The following NFIA variants were observed in gnomAD, a reference collection of about 807,000 sequenced individuals.
NFIA encodes the protein nuclear factor 1 A-type.
A neutral mutation model predicts 62.8 loss-of-function variants in NFIA; 8 were observed. That is an observed-to-expected ratio of 0.13 (90% CI 0.07 to 0.23). The LOEUF is 0.23. NFIA is among the 10% of genes least tolerant of loss of function. The probability of loss-of-function intolerance (pLI) is 1.00; values close to 1 mark genes in which losing one functional copy is unlikely to be tolerated. For synonymous variants in NFIA, 235 were observed against 238.1 expected (o/e 0.99, Z 0.12); for missense variants, 410 against 642.1 (o/e 0.64, Z 3.91).
chr1:61,119,887 T>A (rs1331960976), intron 2 of NFIA, among the ~76,000 whole-genome samples: 3 of 152,230 alleles, frequency 2.0e-5, no homozygotes, highest in Non-Finnish European at 2.9e-5. Context: ...CTGTATGCCC[T>A]GCTCATCTGT....
At chr1:61,441,920 C>T (rs193234088) in intron 10 of NFIA, among the ~76,000 whole-genome samples, 5 of 152,006 alleles carry the variant, frequency 3.3e-5, no homozygotes, top group Non-Finnish European at 5.9e-5. Flanking sequence ...CCCTTTCCCC[C>T]ACCCCCACCG....
At chr1:61,237,652 C>T (rs1031593232) in intron 2 of NFIA, among the ~76,000 whole-genome samples, 2 of 152,078 alleles carry the variant, frequency 1.3e-5, no homozygotes, top group Non-Finnish European at 2.9e-5. Context: ...TTTTTCCTCT[C>T]CCATCATTGT....
chr1:61,303,570 G>A (rs887958508), intron 3 of NFIA, among the ~76,000 whole-genome samples: 2 of 152,228 alleles, frequency 1.3e-5, no homozygotes, highest in Admixed American at 6.5e-5. Context: ...GAAGACTAGT[G>A]TGGATGGAAT....
In NFIA at chr1:61,396,942, C is replaced by T. The variant is rs570815148; in HGVS notation, c.1076-7162C>T. On this transcript the variant is annotated intron_variant, in intron 7 of 10. Transcript: ENST00000403491. ...GCTTGAACCCAGAAGGTGGAGGTTG[C>T]AGTGAGCCGAGATTGCGCCACTGCA... 4.6e-5 allele frequency among the ~76,000 whole-genome samples: 7 copies of T among 151,896 alleles called. No individual in the cohort carries two copies. The South Asian group carries it at 1.5e-3, about 32-fold the overall frequency.
intron 7 of NFIA, among the ~76,000 whole-genome samples, chr1:61,396,961 C>T (rs1569756933): frequency 6.6e-6 from 1 of 151,748 alleles, no homozygotes; most frequent in East Asian, 2.0e-4. Context: ...GAGATTGCGC[C>T]ACTGCACTCC....
chr1:61,161,586 AACAC>A (rs56383204), intron 2 of NFIA, among the ~76,000 whole-genome samples: 7,602 of 149,362 alleles, frequency 0.051, 348 homozygotes, highest in African/African-American at 0.12. Flanking sequence ...CGCCATGTGC[AACAC>A]ACACACACAC....
At chr1:61,145,342 T>C (rs1256444236) in intron 2 of NFIA, among the ~76,000 whole-genome samples, 1 of 152,202 alleles carries the variant, frequency 6.6e-6, no homozygotes, top group Admixed American at 6.5e-5. Context: ...AAAGTGCAAT[T>C]ATGAGGAGGA....
chr1:61,180,836 A>T (rs192245794), intron 2 of NFIA, among the ~76,000 whole-genome samples: 244 of 152,302 alleles, frequency 1.6e-3, no homozygotes, highest in African/African-American at 5.7e-3. Flanking sequence ...CCCTTATAAG[A>T]AAATGTCTGC....
chr1:61,085,915 C>T (rs1245417729), intron 1 of NFIA, among the ~76,000 whole-genome samples: 4 of 152,056 alleles, frequency 2.6e-5, no homozygotes, highest in Admixed American at 6.5e-5. Context: ...TCCTGTTGGA[C>T]ACGAATGCAT....
At chr1:61,101,095 A>G (rs926928900) in intron 2 of NFIA, among the ~76,000 whole-genome samples, 2 of 152,046 alleles carry the variant, frequency 1.3e-5, no homozygotes, top group Non-Finnish European at 1.5e-5. Context: ...GGTGCTTTCT[A>G]TTATTTAATA....
chr1:61,111,281 A>G (rs1646689789), intron 2 of NFIA, among the ~76,000 whole-genome samples: 1 of 152,154 alleles, frequency 6.6e-6, no homozygotes, highest in South Asian at 2.1e-4. Flanking sequence ...AATAACTGCC[A>G]TTATTGAGAA....
chr1:61,452,019 A>G (rs2100589543), intron 10 of NFIA, among the ~76,000 whole-genome samples: 1 of 152,376 alleles, frequency 6.6e-6, no homozygotes, highest in East Asian at 1.9e-4. Context: ...ATGCAGAATC[A>G]TTCTTCAATT....
At chr1:61,403,647 T>G (rs1314060987) in intron 7 of NFIA, among the ~76,000 whole-genome samples, 1 of 152,180 alleles carries the variant, frequency 6.6e-6, no homozygotes, top group African/African-American at 2.4e-5. Context: ...CCCTAGAAAT[T>G]TCCTTGAAAG....
intron 2 of NFIA, among the ~76,000 whole-genome samples, chr1:61,199,265 A>G (rs1652249367): frequency 1.3e-5 from 2 of 152,262 alleles, no homozygotes; most frequent in South Asian, 2.1e-4. Flanking sequence ...CAGTAACAAC[A>G]AAATTTAATG....
At chr1:61,210,123 A>G (rs1653153483) in intron 2 of NFIA, among the ~76,000 whole-genome samples, 1 of 152,140 alleles carries the variant, frequency 6.6e-6, no homozygotes, top group African/African-American at 2.4e-5. Context: ...AGACATAAAA[A>G]CTGGGATGAC....
chr1:61,082,593 G>C lies in NFIA; in HGVS notation c.-199G>C. On this transcript the variant is annotated 5_prime_UTR_variant, in exon 1 of 11. The change abolishes the stop of an existing upstream ORF in the 5' untranslated region. Transcript: ENST00000403491. ...AAGTTCAGCTCATGGAGCGGCAATA[G>C]CGCTGGCTGGCTGGCTGCAGTTGAG... 1 of 1,486,762 alleles carries C rather than the reference G, an allele frequency of 6.7e-7. No homozygotes were observed. The highest frequency in any genetic ancestry group is 1.4e-5 in the South Asian group (1 of 73,322). The allele number at this position is 1,486,762 out of a possible 1,614,324, so 92.1% of individuals were successfully genotyped here. A position where few individuals can be genotyped will look rare whatever the true frequency, so the allele number is the denominator to read the frequency against.
intron 2 of NFIA, chr1:61,250,152 A>G (rs1655933971): frequency 6.6e-6 from 1 of 152,122 alleles, no homozygotes; most frequent in East Asian, 1.9e-4. Flanking sequence ...TTTTAATTGG[A>G]TTGCTTCTTT....
At chr1:61,204,993 A>G (rs1652801362) in intron 2 of NFIA, among the ~76,000 whole-genome samples, 1 of 152,210 alleles carries the variant, frequency 6.6e-6, no homozygotes, top group Non-Finnish European at 1.5e-5. Context: ...AAGGTTTAGC[A>G]TAGGACTAGG....
chr1:61,383,899 T>C (rs77770188), intron 7 of NFIA, among the ~76,000 whole-genome samples: 53 of 152,342 alleles, frequency 3.5e-4, no homozygotes, highest in African/African-American at 1.3e-3. Context: ...TTCACTCCTT[T>C]TGAAGTGGTA....
Sources: gnomAD v4.1 joint callset for allele counts (sites outside exome capture counted in the v4.1 genomes callset) on GRCh38, gnomAD v4.1.1 for gene constraint, MANE v1.5 for transcripts, NCBI Gene and HGNC (gene_info 2026-07-23, HGNC 2026-07-21) for gene names.